SDK1: variants seen among roughly 807,000 people sequenced by gnomAD.
SDK1 encodes the protein protein sidekick-1.
SDK1 carries 157 observed loss-of-function variants against 245.5 expected under a neutral mutation model. The observed-to-expected ratio is 0.64, with a 90% CI of 0.56 to 0.73. The LOEUF (loss-of-function observed/expected upper bound fraction) is 0.73. Ranked by LOEUF, SDK1 falls within the 30% of genes least tolerant of loss-of-function variation. The pLI, the probability that SDK1 is intolerant of heterozygous loss-of-function variation, is 0.00. For missense variants in SDK1, 3,583 were observed against 3,002.3 expected (o/e 1.19, Z -4.52); for synonymous variants, 1,647 against 1,278.5 (o/e 1.29, Z -6.15).
intron 41 of SDK1, among the ~76,000 whole-genome samples, chr7:4,237,271 G>T (rs958820122): frequency 5.9e-5 from 9 of 151,928 alleles, no homozygotes; most frequent in African/African-American, 2.2e-4. Context: ...GGATCAGGCA[G>T]TGTTTTTAAA....
At chr7:3,683,978 C>CAT (rs1374812414) in intron 4 of SDK1, among the ~76,000 whole-genome samples, 1 of 152,190 alleles carries the variant, frequency 6.6e-6, no homozygotes, top group African/African-American at 2.4e-5. Context: ...CATCACCTGG[C>CAT]CCTCCAGCTG....
At chr7:4,046,036 C>T (rs1788995877) in intron 17 of SDK1, among the ~76,000 whole-genome samples, 3 of 151,996 alleles carry the variant, frequency 2.0e-5, no homozygotes, top group Admixed American at 2.0e-4. Flanking sequence ...TCAAGGGATC[C>T]TCCTGCCTCA....
At chr7:3,488,649 C>G (rs557569249) in intron 1 of SDK1, among the ~76,000 whole-genome samples, 13 of 152,242 alleles carry the variant, frequency 8.5e-5, no homozygotes, top group Non-Finnish European at 1.6e-4. Flanking sequence ...TAATGAAAAA[C>G]CAACTGAAAA....
At chr7:3,368,586 A>C (rs886267157) in intron 1 of SDK1, among the ~76,000 whole-genome samples, 1 of 152,212 alleles carries the variant, frequency 6.6e-6, no homozygotes, top group South Asian at 2.1e-4. Flanking sequence ...CTGTGAGGAC[A>C]GTAACAGAGG....
intron 5 of SDK1, among the ~76,000 whole-genome samples, chr7:3,931,138 C>T (rs765574093): frequency 3.3e-5 from 5 of 152,194 alleles, no homozygotes; most frequent in African/African-American, 4.8e-5. Flanking sequence ...CTTGGGGCTT[C>T]GGTTCCTAAC....
At chr7:3,621,588 A>C (rs561857144) in intron 2 of SDK1, among the ~76,000 whole-genome samples, 1 of 152,294 alleles carries the variant, frequency 6.6e-6, no homozygotes, top group African/African-American at 2.4e-5. Context: ...CAGTTTCCAC[A>C]TGGATGTTTT....
rs1305495449 is a variant in SDK1, at chr7:3,499,061, C to T, written c.299-120019C>T. 3.9e-5 allele frequency among the ~76,000 whole-genome samples: 6 copies of T among 152,302 alleles called. No individual in the cohort carries two copies. The East Asian group carries it at 5.8e-4, about 15-fold the overall frequency. On this transcript the variant is annotated intron_variant, in intron 1 of 44. Transcript: ENST00000404826. Reference sequence around the variant, plus strand: ...TTTTAAAATCTGATGTTGCATATCACACTGTAATACAAATGCATTCAGTAA... The same window carrying T: ...TTTTAAAATCTGATGTTGCATATCATACTGTAATACAAATGCATTCAGTAA...
chr7:4,253,682 G>C (rs1787453899), intron 44 of SDK1, among the ~76,000 whole-genome samples: 1 of 152,138 alleles, frequency 6.6e-6, no homozygotes, highest in Non-Finnish European at 1.5e-5. Context: ...TCTTCTGTAT[G>C]TATGATCTTC....
chr7:3,740,682 T>C (rs1390191098), intron 4 of SDK1, among the ~76,000 whole-genome samples: 1 of 152,178 alleles, frequency 6.6e-6, no homozygotes, highest in Admixed American at 6.5e-5. Flanking sequence ...GGAAGGGGTA[T>C]GGGAATAGGG....
intron 4 of SDK1, among the ~76,000 whole-genome samples, chr7:3,775,259 C>G (rs1780519616): frequency 6.6e-6 from 1 of 152,172 alleles, no homozygotes; most frequent in Admixed American, 6.5e-5. Context: ...TTTTGGCCCT[C>G]TTGGTTTCTA....
chr7:3,385,488 T>C (rs934079473), intron 1 of SDK1, among the ~76,000 whole-genome samples: 4 of 152,074 alleles, frequency 2.6e-5, no homozygotes, highest in Non-Finnish European at 5.9e-5. Context: ...GTTTAAAAAC[T>C]TCCATCCTTT....
intron 1 of SDK1, among the ~76,000 whole-genome samples, chr7:3,510,526 A>C (rs1782545701): frequency 6.6e-6 from 1 of 152,178 alleles, no homozygotes; most frequent in Non-Finnish European, 1.5e-5. Flanking sequence ...CCTCAGAATG[A>C]AGACCCAAAC....
chr7:4,135,668 C>T (rs1367168401), intron 28 of SDK1, among the ~76,000 whole-genome samples: 1 of 152,236 alleles, frequency 6.6e-6, no homozygotes, highest in Non-Finnish European at 1.5e-5. Flanking sequence ...CATTCCCATG[C>T]CTCAGTTTCC....
chr7:3,825,519 G>GT (rs1473972116), intron 5 of SDK1, among the ~76,000 whole-genome samples: 3 of 152,112 alleles, frequency 2.0e-5, no homozygotes, highest in East Asian at 1.9e-4. Context: ...TCTCCTTCCT[G>GT]TTTTTTTCAC....
chr7:3,676,354 C>G (rs1397473028), intron 4 of SDK1, among the ~76,000 whole-genome samples: 1 of 135,782 alleles, frequency 7.4e-6, no homozygotes, highest in Admixed American at 8.1e-5. Flanking sequence ...GAGACGGAGT[C>G]TTGCTCTGTC....
intron 33 of SDK1, among the ~76,000 whole-genome samples, chr7:4,175,026 G>A (rs1027329584): frequency 5.9e-5 from 9 of 152,216 alleles, no homozygotes; most frequent in Middle Eastern, 3.2e-3. Flanking sequence ...AGAACACGCC[G>A]TGTGGACGGT....
intron 1 of SDK1, among the ~76,000 whole-genome samples, chr7:3,392,299 ACTTGAGGTATTTAATTCATGT>A (rs571781827): frequency 4.3e-4 from 66 of 152,274 alleles, no homozygotes; most frequent in African/African-American, 1.6e-3. Flanking sequence ...TTTAAAATAC[ACTTGAGGTATTTAATTCATGT>A]CATTCGTTTT....
At chr7:3,409,102 CTTTCT>C (rs1779129022) in intron 1 of SDK1, among the ~76,000 whole-genome samples, 1 of 152,052 alleles carries the variant, frequency 6.6e-6, no homozygotes, top group South Asian at 2.1e-4. Context: ...TATGAGTTGG[CTTTCT>C]TTTGTGTGAG....
chr7:3,582,748 T>G (rs1780549316), intron 1 of SDK1, among the ~76,000 whole-genome samples: 1 of 146,764 alleles, frequency 6.8e-6, no homozygotes. Context: ...AGGGACTTAA[T>G]TCCTCATTGT....
Sources: allele counts gnomAD v4.1 joint callset (sites outside exome capture counted in the v4.1 genomes callset), GRCh38; gene constraint gnomAD v4.1.1; transcripts MANE v1.5; gene names NCBI Gene and HGNC (gene_info 2026-07-23, HGNC 2026-07-21).